The following MAST4 variants were observed in gnomAD, a reference collection of about 807,000 sequenced individuals.
MAST4 encodes the protein microtubule-associated serine/threonine-protein kinase 4.
In MAST4, 89 loss-of-function variants were observed where a neutral mutation model predicts 162.7. That is an observed-to-expected ratio of 0.55 (90% CI 0.46 to 0.65). The LOEUF is 0.65. Among genes scored for constraint, MAST4 ranks in the 30% least tolerant of loss-of-function variants. The probability of loss-of-function intolerance (pLI) is 0.00; values close to 1 mark genes in which losing one functional copy is unlikely to be tolerated. For missense variants in MAST4, 3,153 were observed against 3,374.0 expected (o/e 0.93, Z 1.62); for synonymous variants, 1,479 against 1,361.1 (o/e 1.09, Z -1.91).
At position 67,069,816 on chromosome 5, in the gene MAST4, A is replaced by G. The variant is rs141767622; in HGVS notation, c.763+15324A>G. Among the ~76,000 whole-genome samples the G allele has an allele frequency of 7.2e-4, 110 of 152,082 alleles. 1 individual carries two copies. Among genetic ancestry groups the G allele is most frequent in the Middle Eastern group, 3.4e-3 (1 of 294 alleles). On this transcript the variant is annotated intron_variant, in intron 5 of 28. Transcript: ENST00000403625. The stretch of plus-strand genomic sequence containing the variant: ...GTGGGAATGTACTGGAAGTCCTGCA[A>G]TAGTTACCAGAGTGACCGGCCAGTG...
At chr5:67,106,506 T>G (rs1005430755) in intron 10 of MAST4, among the ~76,000 whole-genome samples, 2 of 152,162 alleles carry the variant, frequency 1.3e-5, no homozygotes, top group African/African-American at 4.8e-5. Context: ...ACCTTCATAG[T>G]TTACTTCCTA....
chr5:66,670,730 G>A (rs914763012), intron 1 of MAST4, among the ~76,000 whole-genome samples: 4 of 150,960 alleles, frequency 2.6e-5, no homozygotes, highest in Admixed American at 1.3e-4. Context: ...GTGATTAGGC[G>A]GTCGACTAGA....
chr5:67,164,557 G>A lies in MAST4; in HGVS notation c.5378G>A (p.Arg1793Lys), dbSNP rs747857936. The A allele has an allele frequency of 3.1e-6, 5 of 1,613,988 alleles. No individual in the cohort carries two copies. The highest frequency in any genetic ancestry group is 1.7e-5 in the Admixed American group (1 of 60,028). The change falls in exon 29 of 29, where the codon AGG becomes AAG. Residue 1793 changes from arginine (R) to lysine (K), a missense_variant. By Grantham distance (26) the Arg-to-Lys change is conservative. Around this residue, in one of 7 missense-constraint regions of MAST4, gnomAD observed 1,644 missense variants for 1,495.0 expected, o/e 1.10. Transcript: ENST00000403625. This position sits in a 1 kb window ranked among gnomAD's most constrained non-coding sequence, Gnocchi z 5.3. ...CCCTCCGAGTATAAGCTGGAAGGTA[G>A]GTCTGTCTCATGCCTGAAGCCGATC... ...KSPSEYKLEG[R>K]SVSCLKPIEG... is the part of the protein sequence containing the mutation.
chr5:66,703,973 T>C (rs1039935839), intron 1 of MAST4, among the ~76,000 whole-genome samples: 1 of 152,172 alleles, frequency 6.6e-6, no homozygotes, highest in Non-Finnish European at 1.5e-5. Flanking sequence ...TAAGAGTGTT[T>C]AGGTGGATGA....
chr5:67,033,315 C>CTCTGTGTGTGTG (rs1554084489), intron 4 of MAST4, among the ~76,000 whole-genome samples: 3,107 of 125,950 alleles, frequency 0.025, 155 homozygotes, highest in African/African-American at 0.086. Context: ...TTTCATTTCT[C>CTCTGTGTGTGTG]TGTGTGTGTG....
At chr5:66,629,817 C>T (rs1744682371) in intron 1 of MAST4, among the ~76,000 whole-genome samples, 1 of 152,096 alleles carries the variant, frequency 6.6e-6, no homozygotes, top group African/African-American at 2.4e-5. Context: ...AGTGGTTAAT[C>T]ACATTTGAAT....
intron 18 of MAST4, among the ~76,000 whole-genome samples, 185 bp downstream of exon 18, chr5:67,134,873 G>T (rs1769420743): frequency 6.6e-6 from 1 of 152,134 alleles, no homozygotes. Context: ...AATTTTTGTT[G>T]AAAATTGATC....
intron 14 of MAST4, among the ~76,000 whole-genome samples, chr5:67,121,355 A>G (rs537658498): frequency 1.3e-5 from 2 of 152,160 alleles, no homozygotes; most frequent in African/African-American, 2.4e-5. Context: ...AATTTTATTT[A>G]CCCTTGTTTC....
chr5:66,942,729 A>G (rs534391435), intron 4 of MAST4, among the ~76,000 whole-genome samples: 63 of 152,270 alleles, frequency 4.1e-4, no homozygotes, highest in African/African-American at 1.5e-3. Context: ...CATGCTTCCA[A>G]TGTTTGAATA....
rs772345201 is a variant in MAST4, at chr5:67,165,062, T to C, written c.5883T>C (p.Ala1961=). Reference sequence around the variant, plus strand: ...CACGCTGCCCGCTCCCACCTGAAGCTTCCCCCTCAAGGGAGAAGCCAGGCC... The same window carrying C: ...CACGCTGCCCGCTCCCACCTGAAGCCTCCCCCTCAAGGGAGAAGCCAGGCC... ...ARPRCPLPPE[A]SPSREKPGLR... Residue 1961 remains alanine, a synonymous_variant, in exon 29 of 29, where the codon GCT becomes GCC. Coordinates refer to ENST00000403625, the MANE Select transcript of MAST4 (RefSeq NM_001164664.2). The C allele has an allele frequency of 1.9e-6, 3 of 1,603,096 alleles. No individual in the cohort carries two copies. Among genetic ancestry groups the C allele is most frequent in the Non-Finnish European group, 2.6e-6 (3 of 1,174,860 alleles).
intron 2 of MAST4, among the ~76,000 whole-genome samples, chr5:66,772,018 G>A (rs894145753): frequency 2.6e-5 from 4 of 152,182 alleles, no homozygotes; most frequent in African/African-American, 9.7e-5. Context: ...GCCCCTCAGA[G>A]ATGAAGTGGC....
At chr5:67,074,412 C>T (rs1761349475) in intron 5 of MAST4, among the ~76,000 whole-genome samples, 1 of 152,064 alleles carries the variant, frequency 6.6e-6, no homozygotes, top group South Asian at 2.1e-4. Flanking sequence ...AAATAGTTCA[C>T]ATGACTTGAA....
chr5:66,940,918 T>C (rs967021505), intron 4 of MAST4, among the ~76,000 whole-genome samples: 1 of 152,298 alleles, frequency 6.6e-6, no homozygotes, highest in East Asian at 1.9e-4. Context: ...GATGTTTTGT[T>C]AGCAGGCATG....
chr5:66,843,030 T>C (rs918070609), intron 3 of MAST4, among the ~76,000 whole-genome samples: 2 of 152,328 alleles, frequency 1.3e-5, no homozygotes, highest in Admixed American at 1.3e-4. Flanking sequence ...CCTCCGTGTG[T>C]CTGTATATAT....
intron 3 of MAST4, among the ~76,000 whole-genome samples, chr5:66,892,219 T>C (rs1288533180): frequency 6.6e-6 from 1 of 152,238 alleles, no homozygotes; most frequent in Non-Finnish European, 1.5e-5. Flanking sequence ...AGATTGAAGG[T>C]AGTATCAGTT....
chr5:67,095,559 GC>G, intron 6 of MAST4, 37 bp from the exon 7 acceptor site: 1 of 1,520,880 alleles, frequency 6.6e-7, no homozygotes, highest in Non-Finnish European at 9.0e-7. Flanking sequence ...GTGACAGTAC[GC>G]CAGTGTTGGC....
chr5:67,146,458 T>G (rs1347878843), intron 23 of MAST4, among the ~76,000 whole-genome samples: 2 of 152,232 alleles, frequency 1.3e-5, no homozygotes, highest in African/African-American at 4.8e-5. Context: ...TTTCAAAAAA[T>G]GAGAGATGTA....
chr5:66,635,877 A>C (rs1336440524), intron 1 of MAST4, among the ~76,000 whole-genome samples: 1 of 149,434 alleles, frequency 6.7e-6, no homozygotes, highest in Non-Finnish European at 1.5e-5. Flanking sequence ...AGCTTTAATC[A>C]GATTCTCAGG....
chr5:66,665,826 T>C (rs1351021571), intron 1 of MAST4, among the ~76,000 whole-genome samples: 1 of 152,188 alleles, frequency 6.6e-6, no homozygotes, highest in Admixed American at 6.5e-5. Flanking sequence ...TTCTATGGGG[T>C]TATTGTGAGT....
Sources: gnomAD v4.1 joint callset for allele counts (sites outside exome capture counted in the v4.1 genomes callset) on GRCh38, gnomAD v4.1.1 for gene constraint, gnomAD v4.1.1 regional missense constraint, Gnocchi (gnomAD v3.1) non-coding constraint, MANE v1.5 for transcripts, NCBI Gene and HGNC (gene_info 2026-07-23, HGNC 2026-07-21) for gene names.